The following FCGR2A variants were observed in gnomAD, a reference collection of about 807,000 sequenced individuals.
The protein encoded by FCGR2A is low affinity immunoglobulin gamma Fc region receptor II-a.
FCGR2A carries 18 observed loss-of-function variants against 29.3 expected under a neutral mutation model. The observed-to-expected ratio is 0.62, with a 90% confidence interval of 0.43 to 0.91. FCGR2A has a LOEUF of 0.91. Ranked by LOEUF, FCGR2A falls within the 40% of genes least tolerant of loss-of-function variation. FCGR2A has a pLI of 0.00. For missense variants in FCGR2A, 287 were observed against 393.0 expected, an observed-to-expected ratio of 0.73 and a Z score of 2.28; for synonymous variants, 126 against 144.8, an observed-to-expected ratio of 0.87 and a Z score of 0.93.
chr1:161,516,362 A>G (rs1336170181), intron 6 of FCGR2A, among the ~76,000 whole-genome samples: 2 of 152,080 alleles, frequency 1.3e-5, no homozygotes, highest in Admixed American at 6.5e-5. Context: ...GTATTTGCAT[A>G]GGTTCAATAA....
chr1:161,518,551 G>T lies in FCGR2A; in HGVS notation c.*403G>T. ...TTCCACATTTTCCCAATAAATACTT[G>T]CCTGTGACATTTTGCCACTGGAACA... On this transcript the variant is annotated 3_prime_UTR_variant, in exon 7 of 7. Coordinates refer to ENST00000271450, the MANE Select transcript of FCGR2A (RefSeq NM_001136219.3). 4.9e-6 allele frequency: 1 copy of T among 205,742 alleles called. No homozygotes were observed. Among genetic ancestry groups the T allele is most frequent in the Non-Finnish European group, 9.8e-6 (1 of 101,836 alleles). 12.7% of individuals were successfully genotyped at this position (205,742 alleles called of 1,614,324 possible). A position where few individuals can be genotyped will look rare whatever the true frequency, so the allele number is the denominator to read the frequency against.
intron 2 of FCGR2A, 52 bp downstream of exon 2, chr1:161,506,059 T>A: frequency 6.3e-7 from 1 of 1,580,996 alleles, no homozygotes; most frequent in Non-Finnish European, 8.7e-7. Context: ...CCTCATAATA[T>A]GATGCTGTGT....
intron 3 of FCGR2A, among the ~76,000 whole-genome samples, chr1:161,507,954 C>T (rs948076515): frequency 4.6e-5 from 7 of 151,706 alleles, no homozygotes; most frequent in East Asian, 1.9e-4. Flanking sequence ...GGCATGGTGG[C>T]GCTTGCCTGT....
At chr1:161,506,178 C>G in intron 2 of FCGR2A, 156 bp from the exon 3 acceptor site, 1 of 1,274,314 alleles carries the variant, frequency 7.8e-7, no homozygotes, top group Non-Finnish European at 1.1e-6. Context: ...CTTAGATCCA[C>G]TGAAGACCCA....
chr1:161,510,539 C>A (rs917659536), intron 4 of FCGR2A, among the ~76,000 whole-genome samples: 16 of 152,212 alleles, frequency 1.1e-4, no homozygotes, highest in African/African-American at 3.9e-4. Context: ...CCGTACTGTC[C>A]CCAGGGGCTA....
intron 3 of FCGR2A, 177 bp downstream of exon 3, chr1:161,506,768 G>A (rs1432492777): frequency 1.6e-5 from 20 of 1,236,550 alleles, no homozygotes; most frequent in Admixed American, 5.7e-5. Context: ...CGTGGTGGGG[G>A]AAGGGGGAAT....
At chr1:161,512,970 G>A (rs1197754576) in intron 5 of FCGR2A, among the ~76,000 whole-genome samples, 1 of 152,204 alleles carries the variant, frequency 6.6e-6, no homozygotes, top group African/African-American at 2.4e-5. Flanking sequence ...CAGGCATGGG[G>A]GCTGCATAAA....
Position 161,518,130 on chromosome 1 carries a change from T to C in FCGR2A, c.936T>C (p.His312=), listed in dbSNP as rs1300411707. The change falls in exon 7 of 7, where the codon CAT becomes CAC. Residue 312 remains histidine, a synonymous_variant. Coordinates refer to ENST00000271450, the MANE Select transcript of FCGR2A (RefSeq NM_001136219.3). The part of the protein sequence containing the change: ...NIYLTLPPND[H]VNSNN ...ACCTGACTCTTCCTCCCAACGACCATGTCAACAGTAATAACTAAAGAGTAA... is the reference window on the plus strand; with the variant it reads ...ACCTGACTCTTCCTCCCAACGACCACGTCAACAGTAATAACTAAAGAGTAA... 1 of 1,613,584 alleles carries C rather than the reference T, an allele frequency of 6.2e-7. No homozygotes were observed. Among genetic ancestry groups the C allele is most frequent in the Admixed American group, 1.7e-5 (1 of 59,936 alleles).
chr1:161,511,890 C>T (rs769840407), intron 5 of FCGR2A, among the ~76,000 whole-genome samples: 6 of 152,272 alleles, frequency 3.9e-5, no homozygotes, highest in South Asian at 4.1e-4. Context: ...CCTGAGCCAG[C>T]GAGAAGGGGC....
At chr1:161,514,175 G>A (rs2926469) in intron 6 of FCGR2A, among the ~76,000 whole-genome samples, 885 of 144,842 alleles carry the variant, frequency 6.1e-3, no homozygotes, top group Middle Eastern at 0.018. Context: ...TCTGGTAAAT[G>A]TTTATGTTAG....
At chr1:161,516,100 G>A (rs1676129676) in intron 6 of FCGR2A, among the ~76,000 whole-genome samples, 1 of 151,902 alleles carries the variant, frequency 6.6e-6, no homozygotes, top group Non-Finnish European at 1.5e-5. Context: ...ACCCAAATAA[G>A]CTCATGTTGT....
Position 161,505,557 on chromosome 1 carries a change from G to C in FCGR2A, c.85+5G>C, listed in dbSNP as rs757115049. 7 of 1,612,512 alleles carry C rather than the reference G, an allele frequency of 4.3e-6. No homozygotes were observed. The East Asian group carries it at 1.6e-4, about 36-fold the overall frequency. On this transcript the variant is annotated splice_donor_5th_base_variant and intron_variant, in intron 1 of 6. Transcript: ENST00000271450. ...TGACAGTTTTGCTGCTGCTGGGTGA[G>C]TGAGGGTCATTCTGAAATGGGGCAA...
rs919904863 is a variant in FCGR2A at position 161,508,440 on chromosome 1, T to G, written c.365-1380T>G. On this transcript the variant is annotated intron_variant, in intron 3 of 6. Transcript: ENST00000271450. Reference sequence around the variant, plus strand: ...CCCATCTCTACTAAAAATACAAAATTAGCCGGGCGTGATGGCGCATGCCTG... The same window carrying G: ...CCCATCTCTACTAAAAATACAAAATGAGCCGGGCGTGATGGCGCATGCCTG... 2.6e-5 allele frequency among the ~76,000 whole-genome samples: 4 copies of G among 151,744 alleles called. No homozygotes were observed. The East Asian group carries it at 7.8e-4, about 30-fold the overall frequency.
downstream of FCGR2A, among the ~76,000 whole-genome samples, chr1:161,522,361 T>C (rs915589914): frequency 1.3e-5 from 2 of 152,040 alleles, no homozygotes; most frequent in Admixed American, 6.6e-5. Context: ...AAGTGAGTGA[T>C]ATTGGAAGCA....
chr1:161,517,369 T>A (rs961894590), intron 6 of FCGR2A, among the ~76,000 whole-genome samples: 1 of 152,062 alleles, frequency 6.6e-6, no homozygotes, highest in African/African-American at 2.4e-5. Context: ...TAAATTAGAA[T>A]AAGGTTTCCA....
intron 3 of FCGR2A, among the ~76,000 whole-genome samples, chr1:161,507,991 C>G (rs1004132466): frequency 2.0e-4 from 29 of 143,080 alleles, no homozygotes; most frequent in African/African-American, 7.6e-4. Context: ...GAGACTGAGG[C>G]AGGAGAATTG....
chr1:161,506,369 C>T lies in FCGR2A; in HGVS notation c.142C>T (p.Pro48Ser). ...PPKAVLKLEPPWINVLQEDSV... is the reference protein window; with the variant it reads ...PPKAVLKLEPSWINVLQEDSV... Reference sequence around the variant, plus strand: ...AAAGGCTGTGCTGAAACTTGAGCCCCCGTGGATCAACGTGCTCCAGGAGGA... The same window carrying T: ...AAAGGCTGTGCTGAAACTTGAGCCCTCGTGGATCAACGTGCTCCAGGAGGA... Residue 48 changes from proline (P) to serine (S), a missense_variant, in exon 3 of 7, where the codon CCG (proline) becomes TCG (serine). Pro to Ser is a moderately conservative substitution (Grantham distance 74). This residue lies in a region of FCGR2A where 181 missense variants were observed against 250.9 expected (regional missense o/e 0.72). Transcript: ENST00000271450. The T allele has an allele frequency of 6.2e-7, 1 of 1,614,228 alleles. No individual in the cohort carries two copies. The highest frequency in any genetic ancestry group is 8.5e-7 in the Non-Finnish European group (1 of 1,180,048).
intron 3 of FCGR2A, among the ~76,000 whole-genome samples, chr1:161,508,403 A>G (rs1224607358): frequency 6.6e-6 from 1 of 151,880 alleles, no homozygotes; most frequent in Non-Finnish European, 1.5e-5. Context: ...AGCCTGGCCA[A>G]CATGGAAAAA....
At position 161,511,007 on chromosome 1, in the gene FCGR2A, G is replaced by A. The variant is rs762694077; in HGVS notation, c.742+51G>A. 44 of 1,613,492 alleles carry A rather than the reference G, an allele frequency of 2.7e-5. 1 individual carries two copies. The South Asian group carries it at 4.5e-4, about 17-fold the overall frequency. On this transcript the variant is annotated intron_variant, in intron 5 of 6. Transcript: ENST00000271450. Reference sequence around the variant, plus strand: ...TGTTATCAGTTTCCATTTGGCCCAGGGCCTAACCCCAGACATTGCCAGAAT... The same window carrying A: ...TGTTATCAGTTTCCATTTGGCCCAGAGCCTAACCCCAGACATTGCCAGAAT...
Sources: allele counts gnomAD v4.1 joint callset (sites outside exome capture counted in the v4.1 genomes callset), GRCh38; gene constraint gnomAD v4.1.1; regional missense constraint gnomAD v4.1.1; transcripts MANE v1.5; gene names NCBI Gene and HGNC (gene_info 2026-07-23, HGNC 2026-07-21).